KLRF2: variants seen among roughly 807,000 people sequenced by gnomAD.
KLRF2 encodes the protein killer cell lectin like receptor F2, also known as killer cell lectin-like receptor subfamily F member 2.
KLRF2 carries 28 observed loss-of-function variants against 25.3 expected under a neutral mutation model. That is an observed-to-expected ratio of 1.11 (90% CI 0.82 to 1.52). KLRF2 has a LOEUF of 1.52. Ranked by LOEUF, KLRF2 falls within the 40% of genes most tolerant of loss-of-function variation. The pLI is 0.00. For missense variants in KLRF2, 265 were observed against 245.8 expected (o/e 1.08, Z -0.52); for synonymous variants, 73 against 85.0 (o/e 0.86, Z 0.78).
intron 3 of KLRF2, among the ~76,000 whole-genome samples, chr12:9,890,222 T>G (rs1277870940): frequency 6.6e-6 from 1 of 152,210 alleles, no homozygotes; most frequent in Non-Finnish European, 1.5e-5. Flanking sequence ...ACTCCTGCAT[T>G]TGTTTTTGAT....
rs575375041 is a variant in KLRF2 at position 9,895,545 on chromosome 12, T to C, written c.480-144T>C. ...ATAGGAAAGAGGAGAAGAGGCTGCA[T>C]TAGCAATGAAAATTCCATTCTAAAA... On this transcript the variant is annotated intron_variant, in intron 5 of 5. Coordinates refer to ENST00000535540, the MANE Select transcript of KLRF2 (RefSeq NM_001190765.1). 25 of 661,510 alleles carry C rather than the reference T, an allele frequency of 3.8e-5. No homozygotes were observed. The East Asian group carries it at 6.7e-4, about 18-fold the overall frequency. The allele number at this position is 661,510 out of a possible 1,614,324, so 41.0% of individuals were successfully genotyped here. A position where few individuals can be genotyped will look rare whatever the true frequency, so the allele number is the denominator to read the frequency against.
At chr12:9,893,597 T>A in intron 5 of KLRF2, 56 bp downstream of exon 5, 1 of 611,820 alleles carries the variant, frequency 1.6e-6, no homozygotes, top group Non-Finnish European at 2.7e-6. Flanking sequence ...ATTTTTATAT[T>A]AAACTTCTTC....
intron 1 of KLRF2, among the ~76,000 whole-genome samples, chr12:9,881,899 T>C (rs1868098729): frequency 6.6e-6 from 1 of 152,168 alleles, no homozygotes; most frequent in Non-Finnish European, 1.5e-5. Context: ...ATCCTGTGTG[T>C]TGTAGCATAA....
intron 1 of KLRF2, among the ~76,000 whole-genome samples, chr12:9,882,260 G>A (rs984135720): frequency 6.6e-6 from 1 of 152,140 alleles, no homozygotes; most frequent in Admixed American, 6.5e-5. Flanking sequence ...ATTACCAGTC[G>A]CAGTGGCAGT....
intron 1 of KLRF2, among the ~76,000 whole-genome samples, chr12:9,882,088 A>G (rs906872189): frequency 6.6e-6 from 1 of 152,082 alleles, no homozygotes; most frequent in Non-Finnish European, 1.5e-5. Context: ...AGAACAATCT[A>G]CTGGGAATGC....
chr12:9,888,787 C>A lies in KLRF2; in HGVS notation c.217+7C>A, dbSNP rs1862637501. 2 of 1,488,900 alleles carry A rather than the reference C, an allele frequency of 1.3e-6. No homozygotes were observed. The highest frequency in any genetic ancestry group is 1.4e-5 in the African/African-American group (1 of 72,262). 92.2% of individuals were successfully genotyped at this position (1,488,900 alleles called of 1,614,324 possible). ...AACGTCAGCAGTCTATCAGGTAATA[C>A]TCTTTTTGTTTGTTATGTGCTACTC... On this transcript the variant is annotated splice_region_variant and intron_variant, in intron 3 of 5. Coordinates refer to ENST00000535540, the MANE Select transcript of KLRF2 (RefSeq NM_001190765.1).
chr12:9,893,458 A>T lies in KLRF2; in HGVS notation c.396A>T (p.Gly132=), dbSNP rs879511244. The T allele has an allele frequency of 3.7e-5, 56 of 1,503,734 alleles. No homozygotes were observed. The highest frequency in any genetic ancestry group is 4.8e-5 in the Non-Finnish European group (54 of 1,119,130). 93.1% of individuals were successfully genotyped at this position (1,503,734 alleles called of 1,614,324 possible). The change falls in exon 5 of 6, where the codon GGA becomes GGT. Residue 132 remains glycine, a synonymous_variant. Coordinates refer to ENST00000535540, the MANE Select transcript of KLRF2 (RefSeq NM_001190765.1). ...LEFIQNSLKP[G]HFGWIGLYVT... ...TCATACAGAACAGTTTAAAACCTGG[A>T]CATTTTGGTTGGATTGGACTATATG... is the stretch of plus-strand genomic sequence containing the variant.
rs1862706359 is a variant in KLRF2 at position 9,893,178 on chromosome 12, C to A, written c.366+10C>A. Reference sequence around the variant, plus strand: ...AAATTTGGATGAGCTGGTGAGAAATCAAAAACAGGATCTAACTGCACAAGG... The same window carrying A: ...AAATTTGGATGAGCTGGTGAGAAATAAAAAACAGGATCTAACTGCACAAGG... On this transcript the variant is annotated intron_variant, in intron 4 of 5. Coordinates refer to ENST00000535540, the MANE Select transcript of KLRF2 (RefSeq NM_001190765.1). 6.6e-7 allele frequency: 1 copy of A among 1,525,542 alleles called. No homozygotes were observed. The highest frequency in any genetic ancestry group is 1.2e-5 in the South Asian group (1 of 82,578). The allele number at this position is 1,525,542 out of a possible 1,614,324, so 94.5% of individuals were successfully genotyped here. A position where few individuals can be genotyped will look rare whatever the true frequency, so the allele number is the denominator to read the frequency against.
In KLRF2 at chr12:9,893,129, A is replaced by C; in HGVS notation, c.327A>C (p.Leu109=). The C allele has an allele frequency of 6.5e-7, 1 of 1,535,330 alleles. No individual in the cohort carries two copies. Among genetic ancestry groups the C allele is most frequent in the Non-Finnish European group, 8.7e-7 (1 of 1,146,452 alleles). ...AGAGTCAACGTGATTGTACACAGCT[A>C]CAGGCACATTTACTGGTGATTCAAA... ...WKESQRDCTQ[L]QAHLLVIQNL... The change falls in exon 4 of 6, where the codon CTA becomes CTC. Residue 109 remains leucine (L), a synonymous_variant. Coordinates refer to ENST00000535540, the MANE Select transcript of KLRF2 (RefSeq NM_001190765.1).
chr12:9,889,871 C>A (rs1390198731), intron 3 of KLRF2, among the ~76,000 whole-genome samples: 1 of 151,806 alleles, frequency 6.6e-6, no homozygotes, highest in African/African-American at 2.4e-5. Flanking sequence ...GTTAAATAAT[C>A]CCTATGTACC....
chr12:9,893,211 GC>G, intron 4 of KLRF2, 43 bp downstream of exon 4: 1 of 1,505,740 alleles, frequency 6.6e-7, no homozygotes. Context: ...AGGAAAAATG[GC>G]TTAGGTGCAA....
At chr12:9,890,129 A>G (rs1481099847) in intron 3 of KLRF2, among the ~76,000 whole-genome samples, 1 of 152,178 alleles carries the variant, frequency 6.6e-6, no homozygotes, top group African/African-American at 2.4e-5. Flanking sequence ...TAGATATTAT[A>G]CCATTGAATA....
intron 3 of KLRF2, among the ~76,000 whole-genome samples, chr12:9,892,235 G>A (rs1311920202): frequency 6.6e-6 from 1 of 152,138 alleles, no homozygotes; most frequent in East Asian, 1.9e-4. Context: ...GGGTAAAGAA[G>A]GAAGAGGAGG....
chr12:9,888,734 TA>T lies in KLRF2; in HGVS notation c.178del (p.Met60TrpfsTer7), dbSNP rs781664453. The T allele has an allele frequency of 3.0e-5, 45 of 1,486,972 alleles. No homozygotes were observed. The highest frequency in any genetic ancestry group is 3.4e-4 in the Middle Eastern group (2 of 5,902). 92.1% of individuals were successfully genotyped at this position (1,486,972 alleles called of 1,614,324 possible). A position where few individuals can be genotyped will look rare whatever the true frequency, so the allele number is the denominator to read the frequency against. ...MTGIDLKFWH[K>X]KMDFSQNVNV... Reference sequence around the variant, plus strand: ...ATCTTTTCTTTGCACTGAGTACAGATAAAAAAATGGATTTCTCCCAGAATGT... The same window carrying T: ...ATCTTTTCTTTGCACTGAGTACAGATAAAAAATGGATTTCTCCCAGAATGT... On this transcript the variant is annotated frameshift_variant and splice_region_variant, in exon 3 of 6. Transcript: ENST00000535540. LOFTEE classifies it high-confidence loss of function.
intron 2 of KLRF2, among the ~76,000 whole-genome samples, chr12:9,887,734 T>A (rs2136997960): frequency 6.6e-6 from 1 of 152,004 alleles, no homozygotes; most frequent in Middle Eastern, 3.4e-3. Flanking sequence ...GTTTTTTTTT[T>A]TTTTTTTGGT....
intron 2 of KLRF2, among the ~76,000 whole-genome samples, chr12:9,887,839 C>A (rs1171185657): frequency 6.7e-6 from 1 of 150,178 alleles, no homozygotes; most frequent in African/African-American, 2.4e-5. Flanking sequence ...AGCGCTTGAG[C>A]CCAGGAGTTC....
intron 1 of KLRF2, among the ~76,000 whole-genome samples, chr12:9,884,505 G>A (rs184163896): frequency 6.3e-4 from 94 of 150,374 alleles, no homozygotes; most frequent in African/African-American, 2.2e-3. Flanking sequence ...AATAACACAC[G>A]TAATTGTGCC....
At chr12:9,889,575 C>T (rs111981609) in intron 3 of KLRF2, among the ~76,000 whole-genome samples, 12 of 151,930 alleles carry the variant, frequency 7.9e-5, no homozygotes, top group East Asian at 1.9e-4. Context: ...CTATTCTGTG[C>T]GTTTTGGACT....
intron 1 of KLRF2, among the ~76,000 whole-genome samples, chr12:9,882,353 C>T (rs922403915): frequency 6.6e-6 from 1 of 152,206 alleles, no homozygotes; most frequent in Non-Finnish European, 1.5e-5. Flanking sequence ...CCCCTGCCCC[C>T]ACAAAATGAC....
Sources: allele counts gnomAD v4.1 joint callset (sites outside exome capture counted in the v4.1 genomes callset), GRCh38; gene constraint gnomAD v4.1.1; transcripts MANE v1.5; gene names NCBI Gene and HGNC (gene_info 2026-07-23, HGNC 2026-07-21).